Variants in GFAP observed in about 807,000 individuals in gnomAD.
The protein encoded by GFAP is glial fibrillary acidic protein, also known as intermediate filament protein.
Under a neutral mutation model 49.3 loss-of-function variants are expected in GFAP, and 38 were observed. The observed-to-expected ratio is 0.77, with a 90% CI of 0.60 to 1.01. The LOEUF is 1.01. GFAP is among the 50% of genes least tolerant of loss of function. GFAP has a pLI of 0.00. For synonymous variants in GFAP, 222 were observed against 236.4 expected, an observed-to-expected ratio of 0.94 and a Z score of 0.56; for missense variants, 463 against 579.1, an observed-to-expected ratio of 0.80 and a Z score of 2.06.
At position 44,903,916 on chromosome 17, in the gene GFAP, G is replaced by A; in HGVS notation, c.*3431C>T. 1.9e-6 allele frequency: 3 copies of A among 1,550,586 alleles called. No homozygotes were observed. Among genetic ancestry groups the A allele is most frequent in the Non-Finnish European group, 2.6e-6 (3 of 1,146,990 alleles). ...TGGAGAAGGAAAACATTTTTCAGAG[G>A]ACCCCCTGCCCTGCTTTCCTGATGT... On this transcript the variant is annotated 3_prime_UTR_variant, in exon 9 of 9. Transcript: ENST00000588735.
Position 44,904,637 on chromosome 17 carries a change from C to T in GFAP, c.*2710G>A, listed in dbSNP as rs2051623233. The T allele has an allele frequency of 3.2e-6, 5 of 1,550,408 alleles. No homozygotes were observed. The highest frequency in any genetic ancestry group is 2.6e-6 in the Non-Finnish European group (3 of 1,147,002). Reference sequence around the variant, plus strand: ...CAAAGTGGGCAGCCGGCCCTGGGTGCCCCAGGTGCCCATTCAGTTCCACCA... The same window carrying T: ...CAAAGTGGGCAGCCGGCCCTGGGTGTCCCAGGTGCCCATTCAGTTCCACCA... On this transcript the variant is annotated 3_prime_UTR_variant, in exon 9 of 9. Transcript: ENST00000588735.
intron 1 of GFAP, chr17:44,914,658 C>G (rs1050106228): frequency 1.3e-5 from 4 of 299,222 alleles, no homozygotes; most frequent in Admixed American, 4.8e-5. Context: ...TCAACCTTCT[C>G]CGCTTCCAAC....
chr17:44,911,159 A>C, intron 6 of GFAP, 77 bp downstream of exon 6: 1 of 1,301,548 alleles, frequency 7.7e-7, no homozygotes. Flanking sequence ...AAAAAGACTC[A>C]GTCCCTGAAG....
At chr17:44,910,134 A>G (rs539572922) in intron 7 of GFAP, 2 of 1,614,016 alleles carry the variant, frequency 1.2e-6, no homozygotes, top group South Asian at 2.2e-5. Context: ...AGAGGCAGGC[A>G]GCTAACCGCG....
At chr17:44,907,514 T>G in intron 8 of GFAP, 126 bp from the exon 9 acceptor site, 1 of 734,664 alleles carries the variant, frequency 1.4e-6, no homozygotes, top group Non-Finnish European at 2.5e-6. Flanking sequence ...TTCTTGATAG[T>G]AACCACAGCT....
In GFAP at chr17:44,903,664, A is replaced by ATTGCC; in HGVS notation, c.*3678_*3682dup. On this transcript the variant is annotated 3_prime_UTR_variant, in exon 9 of 9. Coordinates refer to ENST00000588735, the MANE Select transcript of GFAP (RefSeq NM_002055.5). ...CATCTTGTACATCCACTGGGAATAAATTGCCTTGCACTTGGCGGCTTCCTC... is the reference window on the plus strand; with the variant it reads ...CATCTTGTACATCCACTGGGAATAAATTGCCTTGCCTTGCACTTGGCGGCTTCCTC... The ATTGCC allele has an allele frequency of 7.0e-7, 1 of 1,433,456 alleles. No individual in the cohort carries two copies. The highest frequency in any genetic ancestry group is 2.5e-5 in the East Asian group (1 of 39,970). 88.8% of individuals were successfully genotyped at this position (1,433,456 alleles called of 1,614,324 possible).
intron 7 of GFAP, chr17:44,908,982 A>G (rs1467288443): frequency 1.3e-5 from 2 of 151,960 alleles, no homozygotes; most frequent in Non-Finnish European, 2.9e-5. Flanking sequence ...CGCACCTGTA[A>G]TCCCCTTACT....
chr17:44,907,715 T>C, intron 8 of GFAP: 3 of 553,844 alleles, frequency 5.4e-6, no homozygotes, highest in Non-Finnish European at 9.8e-6. Flanking sequence ...TGGAAAGCCC[T>C]CCCCATCCCC....
intron 4 of GFAP, among the ~76,000 whole-genome samples, chr17:44,912,161 T>C (rs1390534759): frequency 1.3e-5 from 2 of 152,078 alleles, no homozygotes; most frequent in Non-Finnish European, 2.9e-5. Context: ...CTTGCTCTTG[T>C]CGCCCAGGTT....
At chr17:44,912,415 G>A (rs116808905) in intron 4 of GFAP, 8,041 of 154,082 alleles carry the variant, frequency 0.052, 362 homozygotes, top group South Asian at 0.17. Context: ...GAGCCACCTC[G>A]CCTGGCCTCA....
At chr17:44,910,865 G>T in intron 6 of GFAP, 1 of 670,224 alleles carries the variant, frequency 1.5e-6, no homozygotes, top group South Asian at 1.9e-5. Flanking sequence ...TGGGAGGGGC[G>T]CATGTCTATC....
At chr17:44,910,097 G>A (rs779327446) in intron 7 of GFAP, 7 of 1,613,652 alleles carry the variant, frequency 4.3e-6, no homozygotes, top group Non-Finnish European at 5.9e-6. Context: ...CTCACTCCCT[G>A]TCAAGCTGGG....
At chr17:44,911,013 T>G in intron 6 of GFAP, 1 of 620,852 alleles carries the variant, frequency 1.6e-6, no homozygotes, top group Non-Finnish European at 2.9e-6. Context: ...ACCCAAGTCC[T>G]TGGCCTTGAG....
At position 44,907,096 on chromosome 17, in the gene GFAP, C is replaced by G; in HGVS notation, c.*251G>C. The G allele has an allele frequency of 1.7e-6, 1 of 584,444 alleles. No homozygotes were observed. Among genetic ancestry groups the G allele is most frequent in the South Asian group, 2.0e-5 (1 of 50,936 alleles). The allele number at this position is 584,444 out of a possible 1,614,324, so 36.2% of individuals were successfully genotyped here. ...AACGCAAGCTGCTGGCCATGCCCCTCCAGACTGCCCCTTGGGGGTGAGTTT... is the reference window on the plus strand; with the variant it reads ...AACGCAAGCTGCTGGCCATGCCCCTGCAGACTGCCCCTTGGGGGTGAGTTT... On this transcript the variant is annotated 3_prime_UTR_variant, in exon 9 of 9. Coordinates refer to ENST00000588735, the MANE Select transcript of GFAP (RefSeq NM_002055.5).
At chr17:44,909,635 C>CCGG in intron 7 of GFAP, 1 of 158,288 alleles carries the variant, frequency 6.3e-6, no homozygotes, top group Non-Finnish European at 1.2e-5. Flanking sequence ...CCGCCCCGCC[C>CCGG]GAGAGAGAAA....
At position 44,906,867 on chromosome 17, in the gene GFAP, C is replaced by T; in HGVS notation, c.*480G>A. 4.3e-6 allele frequency: 1 copy of T among 231,688 alleles called. No individual in the cohort carries two copies. The highest frequency in any genetic ancestry group is 8.7e-6 in the Non-Finnish European group (1 of 114,590). The allele number at this position is 231,688 out of a possible 1,614,324, so 14.4% of individuals were successfully genotyped here. Reference sequence around the variant, plus strand: ...AAAACAAGCCTCTGGCCAGGGCTACCTTGTCTGTGGGGCCTTCCCTTTCCT... The same window carrying T: ...AAAACAAGCCTCTGGCCAGGGCTACTTTGTCTGTGGGGCCTTCCCTTTCCT... On this transcript the variant is annotated 3_prime_UTR_variant, in exon 9 of 9. Coordinates refer to ENST00000588735, the MANE Select transcript of GFAP (RefSeq NM_002055.5).
Position 44,908,063 on chromosome 17 carries a change from C to T in GFAP, c.1257+1G>A, listed in dbSNP as rs2051679937. 1 of 1,601,944 alleles carries T rather than the reference C, an allele frequency of 6.2e-7. No homozygotes were observed. Among genetic ancestry groups the T allele is most frequent in the Non-Finnish European group, 8.6e-7 (1 of 1,169,112 alleles). On this transcript the variant is annotated splice_donor_variant, in intron 8 of 8. Coordinates refer to ENST00000588735, the MANE Select transcript of GFAP (RefSeq NM_002055.5). LOFTEE classifies it high-confidence loss of function. ...CTGACTGGGCCCAAATCCCTCCTTA[C>T]CTCTCCATCCCGCATCTCCACGGTC...
chr17:44,911,713 A>G lies in GFAP; in HGVS notation c.865T>C (p.Leu289=). 1.2e-6 allele frequency: 2 copies of G among 1,613,952 alleles called. No individual in the cohort carries two copies. The highest frequency in any genetic ancestry group is 1.7e-6 in the Non-Finnish European group (2 of 1,179,986). The part of the protein sequence containing the change: ...KHEANDYRRQ[L]QSLTCDLESL... The stretch of plus-strand genomic sequence containing the variant: ...TCCAGGTCGCAGGTCAAGGACTGCA[A>G]CTGGCGCCGGTAGTCGTTGGCTTCG... Residue 289 remains leucine (L), a synonymous_variant, in exon 5 of 9, where the codon TTG becomes CTG. Coordinates refer to ENST00000588735, the MANE Select transcript of GFAP (RefSeq NM_002055.5).
Position 44,903,606 on chromosome 17 carries a change from C to A in GFAP, c.*3741G>T, listed in dbSNP as rs144369192. 1.1e-4 allele frequency: 155 copies of A among 1,404,854 alleles called. No homozygotes were observed. The highest frequency in any genetic ancestry group is 5.1e-4 in the African/African-American group (35 of 69,012). 87.0% of individuals were successfully genotyped at this position (1,404,854 alleles called of 1,614,324 possible). A position where few individuals can be genotyped will look rare whatever the true frequency, so the allele number is the denominator to read the frequency against. ...AGGTTCTAGAATGGCTTTCCCCCCC[C>A]ACCCTGAGATCAGGTCTGGAATGTT... On this transcript the variant is annotated 3_prime_UTR_variant, in exon 9 of 9. Transcript: ENST00000588735.
Sources: allele counts gnomAD v4.1 joint callset (sites outside exome capture counted in the v4.1 genomes callset), GRCh38; gene constraint gnomAD v4.1.1; transcripts MANE v1.5; gene names NCBI Gene and HGNC (gene_info 2026-07-23, HGNC 2026-07-21).